Variants in TDO2 observed in about 807,000 individuals in gnomAD.
TDO2 encodes the protein tryptophan 2,3-dioxygenase, also known as tryptamin 2,3-dioxygenase.
In TDO2, 63 loss-of-function variants were observed where a neutral mutation model predicts 61.2. The ratio of observed to expected loss-of-function variants is 1.03; its 90% CI spans 0.84 to 1.27. The LOEUF is 1.27. Among genes scored for constraint, TDO2 ranks in the 50% most tolerant of loss-of-function variants. TDO2 has a pLI of 0.00. For missense variants in TDO2, 494 were observed against 469.5 expected (o/e 1.05, Z -0.48); for synonymous variants, 183 against 164.0 (o/e 1.12, Z -0.89).
intron 3 of TDO2, 100 bp downstream of exon 3, chr4:155,905,257 G>A: frequency 1.1e-6 from 1 of 875,312 alleles, no homozygotes; most frequent in Non-Finnish European, 1.8e-6. Flanking sequence ...AAAGATCATG[G>A]AATCACCTCT....
chr4:155,909,040 A>T, intron 5 of TDO2, 26 bp downstream of exon 5: 1 of 1,572,720 alleles, frequency 6.4e-7, no homozygotes, highest in Non-Finnish European at 8.6e-7. Context: ...ATTTTAAAAA[A>T]TGTGATGGAA....
chr4:155,911,233 T>C (rs185339082), intron 6 of TDO2, among the ~76,000 whole-genome samples: 39 of 152,106 alleles, frequency 2.6e-4, no homozygotes, highest in Non-Finnish European at 2.2e-4. Context: ...TAGAAGACAA[T>C]TGGAATTTCT....
intron 9 of TDO2, among the ~76,000 whole-genome samples, chr4:155,916,976 A>G (rs1243382960): frequency 6.7e-6 from 1 of 149,508 alleles, no homozygotes; most frequent in Non-Finnish European, 1.5e-5. Flanking sequence ...AAAACAAAAC[A>G]ACAACAAAAA....
intron 2 of TDO2, 57 bp downstream of exon 2, chr4:155,904,180 C>A: frequency 1.6e-6 from 2 of 1,247,922 alleles, no homozygotes; most frequent in Non-Finnish European, 2.3e-6. Context: ...TCAATTCTGC[C>A]AAGTGACTTT....
intron 7 of TDO2, among the ~76,000 whole-genome samples, chr4:155,913,297 C>G (rs997224123): frequency 9.2e-5 from 14 of 152,074 alleles, no homozygotes; most frequent in African/African-American, 3.4e-4. Context: ...CCTTTATGAT[C>G]TCACATTCAT....
At chr4:155,909,596 A>G (rs1742780164) in intron 5 of TDO2, among the ~76,000 whole-genome samples, 1 of 152,168 alleles carries the variant, frequency 6.6e-6, no homozygotes, top group South Asian at 2.1e-4. Context: ...AGCAGCAGTG[A>G]AATGAAAGAC....
In TDO2 at chr4:155,911,594, T is replaced by A. The variant is rs773482257; in HGVS notation, c.716T>A (p.Ile239Lys). The A allele has an allele frequency of 3.8e-6, 6 of 1,584,046 alleles. No individual in the cohort carries two copies. In the South Asian group the frequency reaches 6.9e-5, roughly 18 times the overall value. The change falls in exon 7 of 12, where the codon ATA becomes AAA. Residue 239 changes from isoleucine to lysine, a missense_variant. Coordinates refer to ENST00000536354, the MANE Select transcript of TDO2 (RefSeq NM_005651.4). The stretch of plus-strand genomic sequence containing the variant: ...ACCAGAGGCCTGGAAGAGGAATTCA[T>A]AAGGATTCAGGTATTTAGATGACAT... ...NITRGLEEEF[I>K]RIQAKEESEE...
Position 155,919,734 on chromosome 4 carries a change from G to T in TDO2, c.1068-103G>T, listed in dbSNP as rs550299479. 7.3e-6 allele frequency: 7 copies of T among 964,618 alleles called. No individual in the cohort carries two copies. In the Admixed American group the frequency reaches 2.0e-4, roughly 28 times the overall value. The allele number at this position is 964,618 out of a possible 1,614,324, so 59.8% of individuals were successfully genotyped here. A position where few individuals can be genotyped will look rare whatever the true frequency, so the allele number is the denominator to read the frequency against. On this transcript the variant is annotated intron_variant, in intron 11 of 11. Transcript: ENST00000536354. ...AACATGCAATATATATTATAATATT[G>T]AATACTAACTATGGAAAATATCTGA...
At chr4:155,904,250 AT>A in intron 2 of TDO2, 127 bp downstream of exon 2, 1 of 659,316 alleles carries the variant, frequency 1.5e-6, no homozygotes, top group Non-Finnish European at 2.6e-6. Context: ...ACCTAAGGAT[AT>A]TTTTATTCAT....
rs779427398 is a variant in TDO2, at chr4:155,911,549, GA to G, written c.674del (p.Lys225SerfsTer15). On this transcript the variant is annotated frameshift_variant, in exon 7 of 12. Coordinates refer to ENST00000536354, the MANE Select transcript of TDO2 (RefSeq NM_005651.4). LOFTEE classifies it high-confidence loss of function. ...GLEPHGFNFW[G>X]KLEKNITRGL... ...GAGCCACATGGATTTAACTTCTGGG[GA>G]AAGCTTGAAAAAAATATCACCAGAG... 4 of 1,598,442 alleles carry G rather than the reference GA, an allele frequency of 2.5e-6. No homozygotes were observed. The highest frequency in any genetic ancestry group is 3.4e-6 in the Non-Finnish European group (4 of 1,171,420).
At position 155,909,360 on chromosome 4, in the gene TDO2, G is replaced by A. The variant is rs972388668; in HGVS notation, c.431+346G>A. On this transcript the variant is annotated intron_variant, in intron 5 of 11. Transcript: ENST00000536354. ...AGATATAAAAACTCAAAACAGGAGC[G>A]ATATATACAGAAGCATGTCAATCAA... 3.3e-5 allele frequency among the ~76,000 whole-genome samples: 5 copies of A among 152,146 alleles called. No homozygotes were observed. The South Asian group carries it at 8.3e-4, about 25-fold the overall frequency.
intron 4 of TDO2, 116 bp from the exon 5 acceptor site, chr4:155,908,771 G>T: frequency 7.5e-7 from 1 of 1,325,286 alleles, no homozygotes; most frequent in Non-Finnish European, 1.0e-6. Flanking sequence ...TAGTTTCAAA[G>T]TTTCCCTTTA....
chr4:155,905,505 A>T (rs950518769), intron 3 of TDO2: 3 of 201,136 alleles, frequency 1.5e-5, no homozygotes, highest in Non-Finnish European at 3.0e-5. Context: ...ATTGAAATTT[A>T]TGCTGGATTG....
At chr4:155,914,275 A>G in intron 7 of TDO2, 48 bp from the exon 8 acceptor site, 3 of 1,407,384 alleles carry the variant, frequency 2.1e-6, no homozygotes, top group South Asian at 1.3e-5. Flanking sequence ...TAAAATATCA[A>G]TCTACTTATT....
chr4:155,917,734 A>G (rs938251672), intron 10 of TDO2, among the ~76,000 whole-genome samples: 16 of 152,214 alleles, frequency 1.1e-4, no homozygotes, highest in African/African-American at 3.6e-4. Flanking sequence ...CTAAAGGAAA[A>G]ATTAAACTTT....
At chr4:155,916,667 C>T (rs1742943987) in intron 9 of TDO2, among the ~76,000 whole-genome samples, 1 of 151,990 alleles carries the variant, frequency 6.6e-6, no homozygotes, top group Admixed American at 6.6e-5. Flanking sequence ...TGAAGTATTC[C>T]TGAAATATTG....
At chr4:155,910,781 C>T (rs532700712) in intron 6 of TDO2, among the ~76,000 whole-genome samples, 5 of 152,104 alleles carry the variant, frequency 3.3e-5, no homozygotes, top group African/African-American at 1.2e-4. Context: ...TGCAAATTAA[C>T]TTTTCTTGTG....
intron 6 of TDO2, 148 bp from the exon 7 acceptor site, chr4:155,911,349 G>T (rs2110874219): frequency 1.5e-5 from 7 of 453,722 alleles, no homozygotes; most frequent in Non-Finnish European, 2.3e-5. Context: ...AGAAATTGAA[G>T]AGAAATAAAA....
Position 155,908,925 on chromosome 4 carries a change from G to C in TDO2, c.342G>C (p.Arg114=). The part of the protein sequence containing the change: ...DERNMLKVVS[R]MHRVSVILKL... ...GGAACATGCTTAAGGTTGTTTCTCGGATGCACCGAGTGTCAGTGATCCTGA... is the reference window on the plus strand; with the variant it reads ...GGAACATGCTTAAGGTTGTTTCTCGCATGCACCGAGTGTCAGTGATCCTGA... The change falls in exon 5 of 12, where the codon CGG becomes CGC. Residue 114 remains arginine (R), a synonymous_variant. Coordinates refer to ENST00000536354, the MANE Select transcript of TDO2 (RefSeq NM_005651.4). 6.2e-7 allele frequency: 1 copy of C among 1,612,730 alleles called. No homozygotes were observed. Among genetic ancestry groups the C allele is most frequent in the South Asian group, 1.1e-5 (1 of 90,778 alleles).
Sources: gnomAD v4.1 joint callset for allele counts (sites outside exome capture counted in the v4.1 genomes callset) on GRCh38, gnomAD v4.1.1 for gene constraint, MANE v1.5 for transcripts, NCBI Gene and HGNC (gene_info 2026-07-23, HGNC 2026-07-21) for gene names.